The following FMNL2 variants were observed in gnomAD, a reference collection of about 807,000 sequenced individuals.
The protein encoded by FMNL2 is formin like 2.
Under a neutral mutation model 130.2 loss-of-function variants are expected in FMNL2, and 51 were observed. The ratio of observed to expected loss-of-function variants is 0.39; its 90% CI spans 0.31 to 0.49. FMNL2 has a LOEUF of 0.49. Among genes scored for constraint, FMNL2 ranks in the 20% least tolerant of loss-of-function variants. FMNL2 has a pLI of 0.85. For missense variants in FMNL2, 977 were observed against 1,316.2 expected (o/e 0.74, Z 3.99); for synonymous variants, 465 against 467.1 (o/e 1.00, Z 0.06).
chr2:152,581,199 T>C, intron 9 of FMNL2, 150 bp downstream of exon 9: 1 of 589,716 alleles, frequency 1.7e-6, no homozygotes, highest in East Asian at 3.1e-5. Context: ...GTAATGAACT[T>C]AGTCTAAATT....
intron 1 of FMNL2, among the ~76,000 whole-genome samples, chr2:152,419,152 T>C (rs932808779): frequency 2.0e-5 from 2 of 99,928 alleles, no homozygotes; most frequent in African/African-American, 7.8e-5. Context: ...TTCAAAGGAC[T>C]TTTTTTGTTT....
At position 152,551,796 on chromosome 2, in the gene FMNL2, A is replaced by G. The variant is rs536280299; in HGVS notation, c.359+2699A>G. On this transcript the variant is annotated intron_variant, in intron 4 of 25. Transcript: ENST00000288670. ...TTTGGGAGGCCGAGGCAGGACGATT[A>G]CTTGAGCCCAAGAGTTTGAGACCAG... Among the ~76,000 whole-genome samples, 10 of 152,328 alleles carry G rather than the reference A, an allele frequency of 6.6e-5. No individual in the cohort carries two copies. The East Asian group carries it at 1.9e-3, about 29-fold the overall frequency.
intron 1 of FMNL2, among the ~76,000 whole-genome samples, chr2:152,486,914 G>A (rs897577413): frequency 1.3e-5 from 2 of 152,162 alleles, no homozygotes; most frequent in Non-Finnish European, 2.9e-5. Context: ...GAAATGAGCC[G>A]TTAGTAAATT....
At chr2:152,529,942 G>A (rs1453648118) in intron 2 of FMNL2, among the ~76,000 whole-genome samples, 2 of 152,140 alleles carry the variant, frequency 1.3e-5, no homozygotes, top group Non-Finnish European at 2.9e-5. Context: ...GCTTTAGAAG[G>A]AGCAAGATAA....
intron 9 of FMNL2, among the ~76,000 whole-genome samples, chr2:152,588,348 C>T (rs1697198789): frequency 1.3e-5 from 2 of 152,324 alleles, no homozygotes; most frequent in Admixed American, 1.3e-4. Context: ...TTCTCTCTGA[C>T]TTCTCTGTCC....
intron 1 of FMNL2, among the ~76,000 whole-genome samples, chr2:152,438,646 C>T (rs1176528414): frequency 1.3e-5 from 2 of 152,078 alleles, no homozygotes; most frequent in Admixed American, 1.3e-4. Flanking sequence ...CTGAGAGCTA[C>T]CTGTCTGTGG....
intron 2 of FMNL2, among the ~76,000 whole-genome samples, chr2:152,538,482 G>A (rs892287749): frequency 3.9e-5 from 6 of 151,978 alleles, no homozygotes; most frequent in African/African-American, 1.4e-4. Context: ...GTTTCACCAC[G>A]TTGGCCAGGC....
At position 152,509,039 on chromosome 2, in the gene FMNL2, C is replaced by T. The variant is rs1010742300; in HGVS notation, c.118-12904C>T. The stretch of plus-strand genomic sequence containing the variant: ...ATTGCCTTGCTTGGTGCATGCAGTG[C>T]ACATGTCACCATGCTTCCTTGTTTT... On this transcript the variant is annotated intron_variant, in intron 1 of 25. Coordinates refer to ENST00000288670, the MANE Select transcript of FMNL2 (RefSeq NM_052905.4). Among the ~76,000 whole-genome samples, 4 of 152,224 alleles carry T rather than the reference C, an allele frequency of 2.6e-5. No individual in the cohort carries two copies. The South Asian group carries it at 8.3e-4, about 31-fold the overall frequency.
chr2:152,636,437 G>C lies in FMNL2; in HGVS notation c.2691G>C (p.Glu897Asp), dbSNP rs1176819829. ...YVEKAAAVSLENVLLDVKELQ... is the reference protein window; with the variant it reads ...YVEKAAAVSLDNVLLDVKELQ... The stretch of plus-strand genomic sequence containing the variant: ...CTTTCTCTGCTTTAGTCTCCCTTGA[G>C]AATGTTTTGCTGGATGTCAAGGAGC... The change falls in exon 22 of 26, where the codon GAG becomes GAC. Residue 897 changes from glutamate to aspartate, a missense_variant. Physicochemically the swap from Glu to Asp is conservative, Grantham distance 45. This residue lies in a region of FMNL2 where 689 missense variants were observed against 995.9 expected (regional missense o/e 0.69). Coordinates refer to ENST00000288670, the MANE Select transcript of FMNL2 (RefSeq NM_052905.4). 6.2e-7 allele frequency: 1 copy of C among 1,611,516 alleles called. No individual in the cohort carries two copies. Among genetic ancestry groups the C allele is most frequent in the African/African-American group, 1.3e-5 (1 of 74,910 alleles).
intron 1 of FMNL2, among the ~76,000 whole-genome samples, chr2:152,492,738 A>T (rs1691283599): frequency 6.6e-6 from 1 of 152,186 alleles, no homozygotes; most frequent in Non-Finnish European, 1.5e-5. Flanking sequence ...TTCTTTTGAC[A>T]CTAAATTTTT....
At chr2:152,558,571 A>G (rs1359823120) in intron 4 of FMNL2, among the ~76,000 whole-genome samples, 169 bp from the exon 5 acceptor site, 1 of 152,182 alleles carries the variant, frequency 6.6e-6, no homozygotes, top group Non-Finnish European at 1.5e-5. Flanking sequence ...CTTAGTTACC[A>G]TATCTGAAAA....
chr2:152,481,283 A>C (rs1342683204), intron 1 of FMNL2, among the ~76,000 whole-genome samples: 4 of 152,228 alleles, frequency 2.6e-5, no homozygotes, highest in African/African-American at 9.6e-5. Context: ...AGATCATTTA[A>C]TTGAAACTAT....
intron 1 of FMNL2, among the ~76,000 whole-genome samples, chr2:152,422,398 G>T (rs1381642959): frequency 6.6e-6 from 1 of 152,146 alleles, no homozygotes; most frequent in Non-Finnish European, 1.5e-5. Context: ...TGGATTTTGT[G>T]ACTTAATAGT....
intron 6 of FMNL2, among the ~76,000 whole-genome samples, chr2:152,570,117 G>T (rs1696095492): frequency 6.6e-6 from 1 of 152,002 alleles, no homozygotes; most frequent in African/African-American, 2.4e-5. Flanking sequence ...AATATTTTAT[G>T]TACATATAAC....
At position 152,390,121 on chromosome 2, in the gene FMNL2, C is replaced by T. The variant is rs369871596; in HGVS notation, c.117+54401C>T. 2.9e-5 allele frequency: 39 copies of T among 1,338,568 alleles called. No homozygotes were observed. In the African/African-American group the frequency reaches 4.2e-4, roughly 14 times the overall value. The allele number at this position is 1,338,568 out of a possible 1,614,324, so 82.9% of individuals were successfully genotyped here. ...GAGGAGGACAAAGGAAAACTGAAGC[C>T]CAACCTAGGCAACGGGGCAGACCTG... On this transcript the variant is annotated intron_variant, in intron 1 of 25. Transcript: ENST00000288670.
At chr2:152,347,825 G>A (rs1193664039) in intron 1 of FMNL2, among the ~76,000 whole-genome samples, 2 of 152,086 alleles carry the variant, frequency 1.3e-5, no homozygotes, top group Non-Finnish European at 2.9e-5. Flanking sequence ...TCTTTTCTCT[G>A]CTTTGTAACT....
chr2:152,485,753 T>A (rs915646113), intron 1 of FMNL2, among the ~76,000 whole-genome samples: 3 of 152,208 alleles, frequency 2.0e-5, no homozygotes, highest in Non-Finnish European at 4.4e-5. Context: ...AAGGGTATTG[T>A]TCTGTGCTAG....
In FMNL2 at chr2:152,513,412, C is replaced by A. The variant is rs71417229; in HGVS notation, c.118-8531C>A. 3.1e-3 allele frequency among the ~76,000 whole-genome samples: 471 copies of A among 152,292 alleles called. 1 individual carries two copies. Among genetic ancestry groups the A allele is most frequent in the East Asian group, 0.02 (104 of 5,184 alleles). On this transcript the variant is annotated intron_variant, in intron 1 of 25. Transcript: ENST00000288670. ...ATTAGATCTTCAGAATTTATTCATCCTGCCTAACTGAAACTTGACCAACAT... is the reference window on the plus strand; with the variant it reads ...ATTAGATCTTCAGAATTTATTCATCATGCCTAACTGAAACTTGACCAACAT...
intron 1 of FMNL2, among the ~76,000 whole-genome samples, chr2:152,466,185 G>A (rs1016410698): frequency 1.3e-5 from 2 of 152,176 alleles, no homozygotes; most frequent in African/African-American, 4.8e-5. Context: ...TATAGTGTGA[G>A]GACTGTCTGA....
Sources: gnomAD v4.1 joint callset for allele counts (sites outside exome capture counted in the v4.1 genomes callset) on GRCh38, gnomAD v4.1.1 for gene constraint, gnomAD v4.1.1 regional missense constraint, MANE v1.5 for transcripts, NCBI Gene and HGNC (gene_info 2026-07-23, HGNC 2026-07-21) for gene names.